SLC41A3: variants seen among roughly 807,000 people sequenced by gnomAD.
SLC41A3 encodes SLC41A1-like 2.
SLC41A3 carries 44 observed loss-of-function variants against 45.4 expected under a neutral mutation model. That is an observed-to-expected ratio of 0.97 (90% CI 0.76 to 1.25). The LOEUF (loss-of-function observed/expected upper bound fraction) is 1.25, where lower values mean the gene tolerates loss of function less well. Ranked by LOEUF, SLC41A3 falls within the 50% of genes most tolerant of loss-of-function variation. The pLI is 0.00. For missense variants in SLC41A3, 550 were observed against 600.6 expected (o/e 0.92, Z 0.88); for synonymous variants, 256 against 252.4 (o/e 1.01, Z -0.13).
intron 3 of SLC41A3, among the ~76,000 whole-genome samples, chr3:126,035,011 G>A (rs1178930915): frequency 6.6e-6 from 1 of 152,252 alleles, no homozygotes; most frequent in African/African-American, 2.4e-5. Context: ...AGCGAAGGCT[G>A]CACAAAGCAG....
chr3:126,068,320 C>G, intron 1 of SLC41A3, 74 bp from the exon 2 acceptor site: 1 of 1,375,156 alleles, frequency 7.3e-7, no homozygotes, highest in Non-Finnish European at 9.5e-7. Flanking sequence ...GAGCCTCAGG[C>G]ACCTGTCCAG....
At chr3:126,078,505 C>A (rs530352393) in intron 1 of SLC41A3, among the ~76,000 whole-genome samples, 1 of 152,272 alleles carries the variant, frequency 6.6e-6, no homozygotes, top group East Asian at 1.9e-4. Flanking sequence ...GCCCCAGAAC[C>A]ATGAGGAGGA....
chr3:126,069,960 A>G (rs1280034248), intron 1 of SLC41A3, among the ~76,000 whole-genome samples: 1 of 152,200 alleles, frequency 6.6e-6, no homozygotes, highest in Non-Finnish European at 1.5e-5. Flanking sequence ...GAATAAAGAA[A>G]AAGAAACAGG....
chr3:126,082,574 C>T (rs1945212177), intron 1 of SLC41A3, among the ~76,000 whole-genome samples: 2 of 152,216 alleles, frequency 1.3e-5, no homozygotes. Flanking sequence ...GTCTGTGAGG[C>T]TGCCCACCCT....
At chr3:126,071,725 A>G (rs532724155) in intron 1 of SLC41A3, among the ~76,000 whole-genome samples, 31 of 152,270 alleles carry the variant, frequency 2.0e-4, no homozygotes, top group African/African-American at 7.5e-4. Flanking sequence ...AGAAATCAAT[A>G]ACAGAAGGAC....
intron 6 of SLC41A3, among the ~76,000 whole-genome samples, chr3:126,018,826 A>C (rs1034557735): frequency 1.3e-5 from 2 of 152,238 alleles, no homozygotes; most frequent in African/African-American, 4.8e-5. Flanking sequence ...TGCAGGCTTC[A>C]GTTGCTTATT....
At chr3:126,039,921 G>A (rs896382565) in intron 3 of SLC41A3, among the ~76,000 whole-genome samples, 1 of 152,174 alleles carries the variant, frequency 6.6e-6, no homozygotes, top group Non-Finnish European at 1.5e-5. Context: ...TGGCATCCCA[G>A]GAGCAACAAG....
intron 1 of SLC41A3, among the ~76,000 whole-genome samples, chr3:126,089,362 G>C (rs986289241): frequency 6.6e-6 from 1 of 152,136 alleles, no homozygotes; most frequent in South Asian, 2.1e-4. Context: ...AAACATACAG[G>C]TTAATAAAAT....
At chr3:126,049,170 G>A (rs1025245279) in intron 3 of SLC41A3, among the ~76,000 whole-genome samples, 5 of 151,792 alleles carry the variant, frequency 3.3e-5, no homozygotes, top group African/African-American at 9.7e-5. Context: ...ACTGAGATAC[G>A]ATCGTTGTAG....
chr3:126,044,628 G>C (rs954637982), intron 3 of SLC41A3, among the ~76,000 whole-genome samples: 3 of 152,100 alleles, frequency 2.0e-5, no homozygotes, highest in Non-Finnish European at 4.4e-5. Flanking sequence ...GGGCGCAGTG[G>C]CTCACGCCTG....
chr3:126,065,362 T>A (rs1356942154), intron 2 of SLC41A3, among the ~76,000 whole-genome samples: 5 of 152,260 alleles, frequency 3.3e-5, no homozygotes, highest in African/African-American at 1.2e-4. Flanking sequence ...AAAAACCACA[T>A]GTTGCCAAAT....
At chr3:126,055,612 G>C (rs1023931100) in intron 2 of SLC41A3, among the ~76,000 whole-genome samples, 3 of 152,226 alleles carry the variant, frequency 2.0e-5, no homozygotes, top group East Asian at 3.8e-4. Context: ...AGCGGTGATA[G>C]AGATGAAGGG....
In SLC41A3 at chr3:126,068,253, T is replaced by G; in HGVS notation, c.-27-7A>C. 6 of 1,485,624 alleles carry G rather than the reference T, an allele frequency of 4.0e-6. No homozygotes were observed. Among genetic ancestry groups the G allele is most frequent in the Non-Finnish European group, 5.4e-6 (6 of 1,119,338 alleles). The allele number at this position is 1,485,624 out of a possible 1,614,324, so 92.0% of individuals were successfully genotyped here. Reference sequence around the variant, plus strand: ...AGCTGGGCGCCTGGCAGCCCTACAGTGGGAGACACAAAGTTGTAGGGCCAA... The same window carrying G: ...AGCTGGGCGCCTGGCAGCCCTACAGGGGGAGACACAAAGTTGTAGGGCCAA... On this transcript the variant is annotated splice_polypyrimidine_tract_variant and splice_region_variant and intron_variant, in intron 1 of 10. Coordinates refer to ENST00000360370, the MANE Select transcript of SLC41A3 (RefSeq NM_017836.4).
In SLC41A3 at chr3:126,015,531, C is replaced by T. The variant is rs1415387229; in HGVS notation, c.933G>A (p.Gln311=). ...GGGTAAATATCGCCATGCCTTTGTA[C>T]TGCTGTTTAGAAACGGTTTTGCTCA... ...LILSKTVSKQ[Q]YKGMAIFTPV... The change falls in exon 8 of 11, where the codon CAG becomes CAA. Residue 311 remains glutamine, a synonymous_variant. Transcript: ENST00000360370. The T allele has an allele frequency of 6.2e-7, 1 of 1,614,236 alleles. No individual in the cohort carries two copies. Among genetic ancestry groups the T allele is most frequent in the Admixed American group, 1.7e-5 (1 of 60,032 alleles).
rs377543655 is a variant in SLC41A3, at chr3:126,026,464, C to T, written c.469G>A (p.Val157Met). The T allele has an allele frequency of 3.2e-5, 51 of 1,603,728 alleles. No homozygotes were observed. Among genetic ancestry groups the T allele is most frequent in the Middle Eastern group, 3.3e-4 (2 of 6,048 alleles). The change falls in exon 5 of 11, where the codon GTG becomes ATG. Residue 157 changes from valine to methionine, a missense_variant. By Grantham distance (21) the Val-to-Met change is conservative (BLOSUM62 1). Transcript: ENST00000360370. This position sits in a 1 kb window ranked among gnomAD's most constrained non-coding sequence, Gnocchi z 4.2. ...GCAGCCACAGCAGCCAAGAGCCCCACGACAGTGGCCTGCACCTGTTGGACA... is the reference window on the plus strand; with the variant it reads ...GCAGCCACAGCAGCCAAGAGCCCCATGACAGTGGCCTGCACCTGTTGGACA... ...LALIQVQATV[V>M]GLLAAVAALL...
At chr3:126,059,299 A>AGAGAGAGAGAGAGAAAG (rs1943914545) in intron 2 of SLC41A3, among the ~76,000 whole-genome samples, 2 of 124,008 alleles carry the variant, frequency 1.6e-5, no homozygotes, top group Non-Finnish European at 3.6e-5. Context: ...AGAAAGAAAG[A>AGAGAGAGAGAGAGAAAG]AAGAAAGAAA....
At chr3:126,061,120 G>T (rs550108268) in intron 2 of SLC41A3, among the ~76,000 whole-genome samples, 1 of 152,174 alleles carries the variant, frequency 6.6e-6, no homozygotes, top group African/African-American at 2.4e-5. Context: ...AGTTTCCAAC[G>T]CAGCATCCAA....
intron 2 of SLC41A3, among the ~76,000 whole-genome samples, chr3:126,061,521 A>G (rs1327157675): frequency 1.3e-5 from 2 of 152,204 alleles, no homozygotes; most frequent in African/African-American, 4.8e-5. Context: ...TGTGAGCGGC[A>G]TGAGGGCAGG....
At chr3:126,012,374 C>A (rs1289778929) in intron 9 of SLC41A3, among the ~76,000 whole-genome samples, 1 of 152,166 alleles carries the variant, frequency 6.6e-6, no homozygotes, top group Non-Finnish European at 1.5e-5. Flanking sequence ...GAAATCAGCT[C>A]TCCCTGTTTC....
Sources: allele counts gnomAD v4.1 joint callset (sites outside exome capture counted in the v4.1 genomes callset), GRCh38; gene constraint gnomAD v4.1.1; non-coding constraint Gnocchi (gnomAD v3.1); transcripts MANE v1.5; gene names NCBI Gene and HGNC (gene_info 2026-07-23, HGNC 2026-07-21).